The following FBXL17 variants were observed in gnomAD, a reference collection of about 807,000 sequenced individuals.
FBXL17 encodes the protein F-box/LRR-repeat protein 17.
A neutral mutation model predicts 66.2 loss-of-function variants in FBXL17; 22 were observed. That is an observed-to-expected ratio of 0.33 (90% CI 0.24 to 0.47). The LOEUF is 0.47. Ranked by LOEUF, FBXL17 falls within the 20% of genes least tolerant of loss-of-function variation. The probability of loss-of-function intolerance (pLI) is 1.00; values close to 1 mark genes in which losing one functional copy is unlikely to be tolerated. For synonymous variants in FBXL17, 474 were observed against 400.5 expected (o/e 1.18, Z -2.19); for missense variants, 878 against 948.2 (o/e 0.93, Z 0.97).
intron 4 of FBXL17, among the ~76,000 whole-genome samples, chr5:108,276,690 T>C (rs1443731196): frequency 1.3e-5 from 2 of 152,160 alleles, no homozygotes; most frequent in Non-Finnish European, 2.9e-5. Context: ...AAGTTAAGAA[T>C]TTTGAGTGAA....
intron 6 of FBXL17, among the ~76,000 whole-genome samples, chr5:108,179,738 C>A (rs1030399529): frequency 2.6e-5 from 4 of 152,094 alleles, no homozygotes; most frequent in Admixed American, 2.6e-4. Context: ...ATTCTGTCTC[C>A]GTCTATAACT....
At chr5:108,362,185 A>C (rs1040045769) in intron 3 of FBXL17, among the ~76,000 whole-genome samples, 2 of 152,166 alleles carry the variant, frequency 1.3e-5, no homozygotes, top group African/African-American at 2.4e-5. Flanking sequence ...AGACCTAAAA[A>C]TTGATAGCAT....
chr5:108,012,897 C>T (rs1754232181), intron 7 of FBXL17, among the ~76,000 whole-genome samples: 1 of 151,898 alleles, frequency 6.6e-6, no homozygotes, highest in African/African-American at 2.4e-5. Context: ...TGCCTGTAAT[C>T]CCAGCTACTA....
chr5:108,062,907 A>C (rs113936389), intron 6 of FBXL17, among the ~76,000 whole-genome samples: 173 of 152,282 alleles, frequency 1.1e-3, no homozygotes, highest in African/African-American at 3.9e-3. Context: ...TCATAAAAGA[A>C]AATTTGAAGT....
At chr5:108,188,682 C>T (rs961256292) in intron 5 of FBXL17, among the ~76,000 whole-genome samples, 1 of 152,144 alleles carries the variant, frequency 6.6e-6, no homozygotes, top group African/African-American at 2.4e-5. Context: ...CCAGTCAGAA[C>T]CTTGGTCAAC....
At chr5:107,898,629 C>G (rs553212767) in intron 7 of FBXL17, among the ~76,000 whole-genome samples, 1 of 152,276 alleles carries the variant, frequency 6.6e-6, no homozygotes, top group Admixed American at 6.5e-5. Context: ...CTAGCCTCCA[C>G]CTCGCAACAG....
At chr5:107,966,078 T>C (rs1486669347) in intron 7 of FBXL17, among the ~76,000 whole-genome samples, 1 of 152,174 alleles carries the variant, frequency 6.6e-6, no homozygotes, top group East Asian at 1.9e-4. Flanking sequence ...ACCAGAGTAT[T>C]ACAGGCATAA....
intron 5 of FBXL17, among the ~76,000 whole-genome samples, chr5:108,215,340 G>C (rs953014366): frequency 7.9e-5 from 12 of 152,118 alleles, no homozygotes; most frequent in Admixed American, 4.6e-4. Flanking sequence ...AATGTACAAG[G>C]GTTCTAATTT....
intron 4 of FBXL17, among the ~76,000 whole-genome samples, chr5:108,318,666 A>G (rs1580807549): frequency 6.6e-6 from 1 of 151,936 alleles, no homozygotes; most frequent in Admixed American, 6.6e-5. Context: ...AATAGGAAAC[A>G]GAAAACTAGC....
intron 7 of FBXL17, among the ~76,000 whole-genome samples, chr5:107,981,217 T>A (rs965483445): frequency 6.6e-6 from 1 of 151,700 alleles, no homozygotes; most frequent in African/African-American, 2.4e-5. Context: ...TAGAAAGGAG[T>A]TGGAGATAAC....
intron 5 of FBXL17, among the ~76,000 whole-genome samples, chr5:108,214,179 C>G (rs1448942302): frequency 3.3e-5 from 5 of 152,058 alleles, no homozygotes; most frequent in Admixed American, 2.0e-4. Context: ...TAAACTTTAT[C>G]ATAGGTATGA....
chr5:108,018,759 A>C (rs1754477006), intron 7 of FBXL17, among the ~76,000 whole-genome samples: 1 of 152,172 alleles, frequency 6.6e-6, no homozygotes, highest in African/African-American at 2.4e-5. Context: ...GAAAGTCCAC[A>C]AAATTTTCAC....
At chr5:108,033,749 C>T (rs1341670183) in intron 6 of FBXL17, among the ~76,000 whole-genome samples, 1 of 152,142 alleles carries the variant, frequency 6.6e-6, no homozygotes, top group Non-Finnish European at 1.5e-5. Flanking sequence ...AGTTGCTCCA[C>T]ATCCTCAACA....
intron 5 of FBXL17, among the ~76,000 whole-genome samples, chr5:108,204,398 C>T (rs1400501326): frequency 3.9e-5 from 6 of 152,008 alleles, no homozygotes; most frequent in Admixed American, 3.9e-4. Context: ...ATAGCCCAGG[C>T]TGGTCTTGAA....
chr5:108,271,245 A>ATTT (rs1757255559), intron 4 of FBXL17, among the ~76,000 whole-genome samples: 6 of 152,136 alleles, frequency 3.9e-5, no homozygotes, highest in Admixed American at 3.9e-4. Context: ...CTTCCAGTCT[A>ATTT]TTAAAGAAGG....
At chr5:108,271,087 C>CA (rs146895612) in intron 4 of FBXL17, among the ~76,000 whole-genome samples, 3,399 of 137,942 alleles carry the variant, frequency 0.025, 120 homozygotes, top group African/African-American at 0.082. Context: ...AAAGACAATG[C>CA]AAAAAAAAAA....
At chr5:108,100,906 A>G (rs1749575211) in intron 6 of FBXL17, among the ~76,000 whole-genome samples, 1 of 152,222 alleles carries the variant, frequency 6.6e-6, no homozygotes. Flanking sequence ...TAGACATTTC[A>G]CTACAAATAC....
intron 4 of FBXL17, among the ~76,000 whole-genome samples, chr5:108,239,354 C>A (rs1755749756): frequency 6.6e-6 from 1 of 152,222 alleles, no homozygotes; most frequent in Admixed American, 6.5e-5. Flanking sequence ...TCTGCATCCC[C>A]TGGCAGCAGC....
At chr5:108,098,087 C>T (rs1479866902) in intron 6 of FBXL17, among the ~76,000 whole-genome samples, 1 of 151,920 alleles carries the variant, frequency 6.6e-6, no homozygotes, top group Non-Finnish European at 1.5e-5. Flanking sequence ...AATGGACAAG[C>T]ATATGGTCAG....
Sources: gnomAD v4.1 joint callset for allele counts (sites outside exome capture counted in the v4.1 genomes callset) on GRCh38, gnomAD v4.1.1 for gene constraint, MANE v1.5 for transcripts, NCBI Gene and HGNC (gene_info 2026-07-23, HGNC 2026-07-21) for gene names.